Variants in HNRNPR observed in about 807,000 individuals in gnomAD.
HNRNPR encodes heterogeneous nuclear ribonucleoprotein R.
Under a neutral mutation model 70.3 loss-of-function variants are expected in HNRNPR, and 4 were observed. The observed-to-expected ratio is 0.06, with a 90% confidence interval of 0.03 to 0.13. HNRNPR has a LOEUF of 0.13. HNRNPR is among the 10% of genes least tolerant of loss of function. The pLI is 1.00. For missense variants in HNRNPR, 423 were observed against 788.5 expected, an observed-to-expected ratio of 0.54 and a Z score of 5.55; for synonymous variants, 241 against 267.6, an observed-to-expected ratio of 0.90 and a Z score of 0.97.
chr1:23,337,466 G>A (rs1190077940), intron 4 of HNRNPR, among the ~76,000 whole-genome samples: 1 of 152,050 alleles, frequency 6.6e-6, no homozygotes, highest in Non-Finnish European at 1.5e-5. Context: ...GACCAATCTG[G>A]CCAACACAGT....
chr1:23,330,293 T>G (rs1234024620), intron 5 of HNRNPR, among the ~76,000 whole-genome samples: 2 of 150,472 alleles, frequency 1.3e-5, no homozygotes, highest in African/African-American at 5.0e-5. Flanking sequence ...TCCCAGCACT[T>G]TGGGAGGCCG....
At chr1:23,311,423 A>T (rs1485108964) in intron 9 of HNRNPR, 101 bp from the exon 10 acceptor site, 5 of 730,460 alleles carry the variant, frequency 6.8e-6, no homozygotes, top group Non-Finnish European at 1.1e-5. Context: ...TACACTTAAC[A>T]ATTTACTTCA....
chr1:23,325,558 A>G (rs1645938532), intron 5 of HNRNPR, among the ~76,000 whole-genome samples: 1 of 152,186 alleles, frequency 6.6e-6, no homozygotes, highest in East Asian at 1.9e-4. Flanking sequence ...ATCACCTGAG[A>G]AAGTCATTGG....
At chr1:23,344,060 C>G (rs1234267263) in intron 1 of HNRNPR, among the ~76,000 whole-genome samples, 151 bp downstream of exon 1, 1 of 151,916 alleles carries the variant, frequency 6.6e-6, no homozygotes, top group Admixed American at 6.5e-5. Flanking sequence ...GCCGCGCGGG[C>G]GGACTAGACC....
At chr1:23,327,513 C>A (rs1036095025) in intron 5 of HNRNPR, among the ~76,000 whole-genome samples, 1 of 151,898 alleles carries the variant, frequency 6.6e-6, no homozygotes, top group Non-Finnish European at 1.5e-5. Context: ...TATGGTGAAA[C>A]CCTGTCTGTA....
At position 23,309,394 on chromosome 1, in the gene HNRNPR, A is replaced by G. The variant is rs1292198162; in HGVS notation, c.*1060T>C. 6.6e-6 allele frequency: 1 copy of G among 152,158 alleles called. No individual in the cohort carries two copies. Among genetic ancestry groups the G allele is most frequent in the Non-Finnish European group, 1.5e-5 (1 of 67,984 alleles). 9.4% of individuals were successfully genotyped at this position (152,158 alleles called of 1,614,324 possible). On this transcript the variant is annotated 3_prime_UTR_variant, in exon 11 of 11. Coordinates refer to ENST00000302271, the MANE Select transcript of HNRNPR (RefSeq NM_005826.5). ...CACTTATCCAGCAAATAAGGTCTTCAGTCACAAATTATCCCTTATAAAGAA... is the reference window on the plus strand; with the variant it reads ...CACTTATCCAGCAAATAAGGTCTTCGGTCACAAATTATCCCTTATAAAGAA...
At chr1:23,320,403 T>G (rs1309322075) in intron 7 of HNRNPR, among the ~76,000 whole-genome samples, 1 of 152,032 alleles carries the variant, frequency 6.6e-6, no homozygotes, top group Non-Finnish European at 1.5e-5. Flanking sequence ...GGAGCTGAAG[T>G]AAAGGACTAA....
chr1:23,336,496 C>T (rs1646490894), intron 4 of HNRNPR, among the ~76,000 whole-genome samples: 1 of 147,686 alleles, frequency 6.8e-6, no homozygotes, highest in South Asian at 2.1e-4. Context: ...GGCGTGAACC[C>T]AGGAGGCAGA....
At chr1:23,343,688 G>T (rs1032409738) in intron 1 of HNRNPR, among the ~76,000 whole-genome samples, 3 of 152,300 alleles carry the variant, frequency 2.0e-5, no homozygotes, top group African/African-American at 7.2e-5. Context: ...CACACAAATC[G>T]GCCTTTCGGT....
At chr1:23,311,477 AAC>A (rs1256048984) in intron 9 of HNRNPR, among the ~76,000 whole-genome samples, 155 bp from the exon 10 acceptor site, 14 of 152,210 alleles carry the variant, frequency 9.2e-5, no homozygotes, top group Non-Finnish European at 1.9e-4. Context: ...CAGAAAGTTA[AAC>A]ACAAACACAC....
Position 23,305,996 on chromosome 1 carries a change from G to C in HNRNPR, c.*4458C>G, listed in dbSNP as rs1645197016. The C allele has an allele frequency of 6.6e-6, 1 of 152,114 alleles. No individual in the cohort carries two copies. The highest frequency in any genetic ancestry group is 2.1e-4 in the South Asian group (1 of 4,828). The allele number at this position is 152,114 out of a possible 1,614,324, so 9.4% of individuals were successfully genotyped here. A position where few individuals can be genotyped will look rare whatever the true frequency, so the allele number is the denominator to read the frequency against. ...TGTTTAAGCCCTCCATTCTATCAATGTCTTCTTGTTTTCACTAAAATTAGT... is the reference window on the plus strand; with the variant it reads ...TGTTTAAGCCCTCCATTCTATCAATCTCTTCTTGTTTTCACTAAAATTAGT... On this transcript the variant is annotated 3_prime_UTR_variant, in exon 11 of 11. Coordinates refer to ENST00000302271, the MANE Select transcript of HNRNPR (RefSeq NM_005826.5).
rs762559523 is a variant in HNRNPR, at chr1:23,311,339, A to C, written c.1168-17T>G. The C allele has an allele frequency of 6.8e-7, 1 of 1,475,836 alleles. No homozygotes were observed. The highest frequency in any genetic ancestry group is 1.2e-5 in the South Asian group (1 of 85,526). 91.4% of individuals were successfully genotyped at this position (1,475,836 alleles called of 1,614,324 possible). On this transcript the variant is annotated splice_polypyrimidine_tract_variant and intron_variant, in intron 9 of 10. Coordinates refer to ENST00000302271, the MANE Select transcript of HNRNPR (RefSeq NM_005826.5). ...ATCCATAGCCTATAAAAAATTAGAA[A>C]AATTATTTTACAACGATATAAAACT...
intron 5 of HNRNPR, among the ~76,000 whole-genome samples, chr1:23,332,441 G>A (rs1425599655): frequency 1.3e-5 from 2 of 150,632 alleles, no homozygotes; most frequent in Non-Finnish European, 2.9e-5. Context: ...GGTGGCTCAC[G>A]CCTGTAATCC....
At chr1:23,323,447 C>T (rs1318227431) in intron 6 of HNRNPR, 109 bp downstream of exon 6, 4 of 1,048,988 alleles carry the variant, frequency 3.8e-6, no homozygotes, top group Non-Finnish European at 4.2e-6. Flanking sequence ...TAAAAACATT[C>T]CAAGCAACAA....
chr1:23,320,247 A>T (rs543366888), intron 7 of HNRNPR, among the ~76,000 whole-genome samples: 7 of 152,348 alleles, frequency 4.6e-5, no homozygotes, highest in African/African-American at 1.7e-4. Context: ...GAGGTCAAAG[A>T]ACTGTGCCAG....
At chr1:23,340,495 C>T (rs1300385403) in intron 2 of HNRNPR, among the ~76,000 whole-genome samples, 2 of 152,070 alleles carry the variant, frequency 1.3e-5, no homozygotes, top group Non-Finnish European at 2.9e-5. Context: ...TTAACAATCA[C>T]TTTAAGAAGG....
intron 1 of HNRNPR, among the ~76,000 whole-genome samples, chr1:23,342,368 A>G (rs1646735479): frequency 2.0e-5 from 3 of 152,182 alleles, no homozygotes; most frequent in Admixed American, 2.0e-4. Flanking sequence ...AATGCAAAGG[A>G]TTACTCTGAA....
intron 7 of HNRNPR, among the ~76,000 whole-genome samples, chr1:23,321,163 C>CAAAAAAAAAAAAAAAAAAA (rs58123581): frequency 5.1e-5 from 5 of 98,190 alleles, no homozygotes; most frequent in African/African-American, 2.3e-4. Flanking sequence ...AACTCCGTCT[C>CAAAAAAAAAAAAAAAAAAA]AAAAAAAAAA....
chr1:23,325,447 T>A (rs867259448), intron 5 of HNRNPR, among the ~76,000 whole-genome samples: 3 of 152,194 alleles, frequency 2.0e-5, no homozygotes, highest in African/African-American at 7.2e-5. Context: ...ACTTGAGGTA[T>A]TCTTTTGACT....
Sources: gnomAD v4.1 joint callset for allele counts (sites outside exome capture counted in the v4.1 genomes callset) on GRCh38, gnomAD v4.1.1 for gene constraint, MANE v1.5 for transcripts, NCBI Gene and HGNC (gene_info 2026-07-23, HGNC 2026-07-21) for gene names.